ATP10A: variants seen among roughly 807,000 people sequenced by gnomAD.
The protein encoded by ATP10A is ATPase phospholipid transporting 10A (putative), also known as phospholipid-transporting ATPase VA.
Under a neutral mutation model 147.8 loss-of-function variants are expected in ATP10A, and 111 were observed. The ratio of observed to expected loss-of-function variants is 0.75; its 90% CI spans 0.64 to 0.88. ATP10A has a LOEUF of 0.88. Among genes scored for constraint, ATP10A ranks in the 40% least tolerant of loss-of-function variants. The pLI is 0.00. For synonymous variants in ATP10A, 875 were observed against 841.6 expected, an observed-to-expected ratio of 1.04 and a Z score of -0.69; for missense variants, 1,927 against 1,959.0, an observed-to-expected ratio of 0.98 and a Z score of 0.31.
intron 2 of ATP10A, among the ~76,000 whole-genome samples, chr15:25,771,736 C>A (rs1008293103): frequency 1.3e-5 from 2 of 151,930 alleles, no homozygotes; most frequent in Non-Finnish European, 2.9e-5. Context: ...ATGAATACTA[C>A]ACCTCCTGAA....
upstream of ATP10A, among the ~76,000 whole-genome samples, chr15:25,864,250 C>T (rs992448482): frequency 2.0e-5 from 3 of 152,154 alleles, no homozygotes; most frequent in African/African-American, 7.2e-5. Flanking sequence ...ATAAGCACGG[C>T]ATGGAAAAAG....
At chr15:25,794,707 T>G (rs1239906608) in intron 1 of ATP10A, among the ~76,000 whole-genome samples, 1 of 152,244 alleles carries the variant, frequency 6.6e-6, no homozygotes, top group Non-Finnish European at 1.5e-5. Context: ...CCGGTAATAT[T>G]CCGAGAATGG....
At chr15:25,757,011 C>T (rs1888450173) in intron 2 of ATP10A, among the ~76,000 whole-genome samples, 1 of 152,262 alleles carries the variant, frequency 6.6e-6, no homozygotes, top group East Asian at 1.9e-4. Flanking sequence ...CGGCCATAAA[C>T]ATTTATAAAT....
intron 17 of ATP10A, among the ~76,000 whole-genome samples, chr15:25,681,638 G>A (rs1050335235): frequency 1.1e-4 from 17 of 152,108 alleles, no homozygotes; most frequent in Admixed American, 6.6e-4. Context: ...TTGGAGACGC[G>A]AGGCCCCAGA....
intron 2 of ATP10A, among the ~76,000 whole-genome samples, chr15:25,746,071 A>C (rs1242129089): frequency 1.3e-5 from 2 of 152,182 alleles, no homozygotes; most frequent in Non-Finnish European, 2.9e-5. Context: ...ATGAAAACCC[A>C]AAAACTATGT....
At chr15:25,768,144 C>T (rs982009172) in intron 2 of ATP10A, among the ~76,000 whole-genome samples, 12 of 152,144 alleles carry the variant, frequency 7.9e-5, no homozygotes, top group Non-Finnish European at 1.5e-4. Context: ...AGTGCTGGGC[C>T]GGCATGACGA....
chr15:25,742,929 C>G (rs1217406722), intron 2 of ATP10A, among the ~76,000 whole-genome samples: 5 of 152,226 alleles, frequency 3.3e-5, no homozygotes, highest in Non-Finnish European at 7.3e-5. Context: ...AGCCACAGGC[C>G]ACTTAGTGCC....
rs192386579 is a variant in ATP10A, at chr15:25,805,449, T to C, written c.450-24226A>G. On this transcript the variant is annotated intron_variant, in intron 1 of 20. Transcript: ENST00000555815. ...TGTACCCACTCACTGCAGCACACTT[T>C]ACACGCGTCCTTATTTTTGTGCTAT... 2.3e-3 allele frequency among the ~76,000 whole-genome samples: 348 copies of C among 152,350 alleles called. 3 individuals are homozygous for C. The highest frequency in any genetic ancestry group is 7.8e-3 in the African/African-American group (324 of 41,578).
At chr15:25,773,522 C>T (rs956552644) in intron 2 of ATP10A, among the ~76,000 whole-genome samples, 4 of 152,052 alleles carry the variant, frequency 2.6e-5, no homozygotes, top group African/African-American at 9.7e-5. Context: ...GCACCCCTCA[C>T]GTAATGCATG....
chr15:25,733,675 G>A (rs911243697), intron 3 of ATP10A, among the ~76,000 whole-genome samples: 5 of 152,228 alleles, frequency 3.3e-5, no homozygotes, highest in East Asian at 1.9e-4. Flanking sequence ...GTTAAAGAGC[G>A]TCAGGTGTGG....
chr15:25,702,753 AT>A lies in ATP10A; in HGVS notation c.2576-654del, dbSNP rs760038774. Among the ~76,000 whole-genome samples the A allele has an allele frequency of 9.8e-3, 1,380 of 141,090 alleles. 8 individuals are homozygous for A. The highest frequency in any genetic ancestry group is 0.015 in the African/African-American group (560 of 38,434). The allele number at this position is 141,090 out of a possible 152,430, so 92.6% of individuals were successfully genotyped here. ...GGAAATGTGCTTAGGCCTGCCTCAG[AT>A]TTTTTTTTTTTTTTTTAAGATCTGT... On this transcript the variant is annotated intron_variant, in intron 12 of 20. Transcript: ENST00000555815.
At chr15:25,683,617 A>AT in intron 16 of ATP10A, 131 bp from the exon 17 acceptor site, 1 of 892,520 alleles carries the variant, frequency 1.1e-6, no homozygotes, top group Non-Finnish European at 1.7e-6. Flanking sequence ...ATTTCTGCCA[A>AT]AGACAGCCAT....
Position 25,726,039 on chromosome 15 carries a change from G to A in ATP10A, c.891C>T (p.Tyr297=). The A allele has an allele frequency of 6.2e-7, 1 of 1,614,156 alleles. No individual in the cohort carries two copies. Among genetic ancestry groups the A allele is most frequent in the Non-Finnish European group, 8.5e-7 (1 of 1,180,004 alleles). ...TCTGCCTCTCCAGCTTGCTGCGCTTGTAGCGGGGCCCACTGTTGTTCAGCA... is the reference window on the plus strand; with the variant it reads ...TCTGCCTCTCCAGCTTGCTGCGCTTATAGCGGGGCCCACTGTTGTTCAGCA... ...KALLNNSGPR[Y]KRSKLERQMN... is the part of the protein sequence containing the mutation. The change falls in exon 5 of 21, where the codon TAC becomes TAT. Residue 297 remains tyrosine (Y), a synonymous_variant. Transcript: ENST00000555815.
chr15:25,758,873 CA>C (rs1888596016), intron 2 of ATP10A, among the ~76,000 whole-genome samples: 1 of 150,794 alleles, frequency 6.6e-6, no homozygotes, highest in East Asian at 1.9e-4. Flanking sequence ...TCATTCCGAC[CA>C]CCTGCTCCAC....
intron 3 of ATP10A, among the ~76,000 whole-genome samples, chr15:25,734,187 C>G (rs1466775806): frequency 6.6e-6 from 1 of 152,180 alleles, no homozygotes; most frequent in East Asian, 1.9e-4. Context: ...TCTCGTCCAC[C>G]CCAGCAGAGG....
chr15:25,704,387 G>A (rs960143335), intron 12 of ATP10A, among the ~76,000 whole-genome samples: 2 of 152,190 alleles, frequency 1.3e-5, no homozygotes, highest in African/African-American at 4.8e-5. Flanking sequence ...GCAACTTCCT[G>A]CCTCAAGGAC....
At chr15:25,807,020 G>A (rs1337183724) in intron 1 of ATP10A, among the ~76,000 whole-genome samples, 2 of 152,224 alleles carry the variant, frequency 1.3e-5, no homozygotes, top group Non-Finnish European at 2.9e-5. Flanking sequence ...AAACGGAGGG[G>A]CATCCACCGG....
intron 1 of ATP10A, among the ~76,000 whole-genome samples, chr15:25,861,375 C>T (rs1893753083): frequency 6.6e-6 from 1 of 152,162 alleles, no homozygotes; most frequent in Non-Finnish European, 1.5e-5. Flanking sequence ...GTACCACGAC[C>T]TTGCTGCTGT....
chr15:25,772,915 C>T (rs1308330727), intron 2 of ATP10A, among the ~76,000 whole-genome samples: 2 of 152,098 alleles, frequency 1.3e-5, no homozygotes, highest in Non-Finnish European at 2.9e-5. Context: ...AGTTTGCAGG[C>T]CTGATCTCAG....
Sources: gnomAD v4.1 joint callset for allele counts (sites outside exome capture counted in the v4.1 genomes callset) on GRCh38, gnomAD v4.1.1 for gene constraint, MANE v1.5 for transcripts, NCBI Gene and HGNC (gene_info 2026-07-23, HGNC 2026-07-21) for gene names.